EPB41L3: variants seen among roughly 807,000 people sequenced by gnomAD.
The protein encoded by EPB41L3 is band 4.1-like protein 3.
In EPB41L3, 57 loss-of-function variants were observed where a neutral mutation model predicts 127.1. The observed-to-expected ratio is 0.45, with a 90% CI of 0.36 to 0.56. The LOEUF (loss-of-function observed/expected upper bound fraction) is 0.56. Among genes scored for constraint, EPB41L3 ranks in the 20% least tolerant of loss-of-function variants. EPB41L3 has a pLI of 0.00. For synonymous variants in EPB41L3, 572 were observed against 549.5 expected, an observed-to-expected ratio of 1.04 and a Z score of -0.57; for missense variants, 1,273 against 1,372.2, an observed-to-expected ratio of 0.93 and a Z score of 1.14.
At chr18:5,553,717 G>A (rs1051101828) in intron 3 of EPB41L3, among the ~76,000 whole-genome samples, 3 of 152,216 alleles carry the variant, frequency 2.0e-5, no homozygotes, top group Non-Finnish European at 4.4e-5. Context: ...GCACCCTGGT[G>A]CAAACCATCA....
chr18:5,407,254 T>G, intron 15 of EPB41L3: 1 of 427,550 alleles, frequency 2.3e-6, no homozygotes, highest in Non-Finnish European at 4.2e-6. Context: ...AGAATTAAAA[T>G]AAATATACAC....
At chr18:5,427,808 C>T (rs549702291) in intron 9 of EPB41L3, among the ~76,000 whole-genome samples, 29 of 151,974 alleles carry the variant, frequency 1.9e-4, no homozygotes, top group African/African-American at 4.1e-4. Flanking sequence ...TGCAGTGGCA[C>T]GATCTCGGCT....
At chr18:5,612,167 A>C (rs1419681357) in intron 3 of EPB41L3, among the ~76,000 whole-genome samples, 1 of 152,050 alleles carries the variant, frequency 6.6e-6, no homozygotes, top group Admixed American at 6.6e-5. Flanking sequence ...TCTTGAAAGG[A>C]AAGCATGAAT....
At chr18:5,410,698 C>T (rs2076094662) in intron 13 of EPB41L3, 79 bp from the exon 14 acceptor site, 13 of 1,152,320 alleles carry the variant, frequency 1.1e-5, no homozygotes, top group Non-Finnish European at 1.7e-5. Context: ...CACGCTCTGG[C>T]ACAGGTCAGA....
intron 1 of EPB41L3, among the ~76,000 whole-genome samples, chr18:5,501,277 A>AAATG (rs77332925): frequency 0.58 from 86,733 of 150,726 alleles, 27,665 homozygotes; most frequent in Non-Finnish European, 0.71. Context: ...TTAAGTATTT[A>AAATG]AATGAATGAA....
At chr18:5,496,665 T>A (rs149765986) in intron 1 of EPB41L3, among the ~76,000 whole-genome samples, 1 of 152,216 alleles carries the variant, frequency 6.6e-6, no homozygotes, top group Non-Finnish European at 1.5e-5. Context: ...TATCTAAGAT[T>A]TCGTTTTGCT....
intron 13 of EPB41L3, among the ~76,000 whole-genome samples, chr18:5,412,173 C>G (rs1055386258): frequency 6.6e-6 from 1 of 152,094 alleles, no homozygotes; most frequent in Non-Finnish European, 1.5e-5. Context: ...CTTAGGCTTT[C>G]AAGAATAAAT....
chr18:5,562,527 T>C (rs2094147168), intron 3 of EPB41L3, among the ~76,000 whole-genome samples: 1 of 152,200 alleles, frequency 6.6e-6, no homozygotes, highest in Non-Finnish European at 1.5e-5. Context: ...TGTAAGTTTT[T>C]TGATATTTAT....
intron 3 of EPB41L3, among the ~76,000 whole-genome samples, chr18:5,601,624 A>C (rs2094592945): frequency 6.6e-6 from 1 of 152,150 alleles, no homozygotes; most frequent in Non-Finnish European, 1.5e-5. Flanking sequence ...CATTGACCTC[A>C]CATAAATTTC....
intron 3 of EPB41L3, among the ~76,000 whole-genome samples, chr18:5,580,689 T>C (rs1239888138): frequency 6.6e-6 from 1 of 152,226 alleles, no homozygotes; most frequent in Non-Finnish European, 1.5e-5. Flanking sequence ...CCCACACTTA[T>C]GCATATGTAT....
At chr18:5,522,081 A>G (rs2093013625) in intron 1 of EPB41L3, among the ~76,000 whole-genome samples, 1 of 152,032 alleles carries the variant, frequency 6.6e-6, no homozygotes, top group African/African-American at 2.4e-5. Context: ...TTTTCTTCCA[A>G]TGCCAAATCG....
At chr18:5,441,814 C>T (rs910130286) in intron 5 of EPB41L3, among the ~76,000 whole-genome samples, 62 of 152,186 alleles carry the variant, frequency 4.1e-4, no homozygotes, top group Admixed American at 3.3e-4. Context: ...CCTTTATCTG[C>T]AAGACTGTCA....
chr18:5,560,036 T>A (rs992961982), intron 3 of EPB41L3, among the ~76,000 whole-genome samples: 1 of 152,226 alleles, frequency 6.6e-6, no homozygotes, highest in Non-Finnish European at 1.5e-5. Flanking sequence ...ACCATCCAGA[T>A]GTGAAAATAT....
At chr18:5,606,038 A>G (rs1229695707) in intron 3 of EPB41L3, among the ~76,000 whole-genome samples, 1 of 152,188 alleles carries the variant, frequency 6.6e-6, no homozygotes, top group African/African-American at 2.4e-5. Context: ...GATGAAAGTG[A>G]CAGCAAAAGT....
At chr18:5,540,430 T>G (rs2149038464) in intron 1 of EPB41L3, 1 of 985,466 alleles carries the variant, frequency 1.0e-6, no homozygotes, top group East Asian at 1.1e-4. Context: ...GGTCTGGTTT[T>G]GCCTGCCCCA....
At chr18:5,441,642 T>C (rs543789088) in intron 5 of EPB41L3, among the ~76,000 whole-genome samples, 1 of 152,220 alleles carries the variant, frequency 6.6e-6, no homozygotes, top group South Asian at 2.1e-4. Context: ...ATTTTTGTAT[T>C]TTTAGTAGAG....
At chr18:5,509,528 G>A (rs1483377764) in intron 1 of EPB41L3, among the ~76,000 whole-genome samples, 2 of 152,184 alleles carry the variant, frequency 1.3e-5, no homozygotes, top group Non-Finnish European at 2.9e-5. Context: ...AAAAGGAATC[G>A]AAGGAGATCA....
chr18:5,627,080 C>A (rs1015121061), intron 1 of EPB41L3, among the ~76,000 whole-genome samples: 1 of 152,126 alleles, frequency 6.6e-6, no homozygotes, highest in Non-Finnish European at 1.5e-5. Context: ...TCTCATTAGT[C>A]TGTTTACGCA....
intron 1 of EPB41L3, among the ~76,000 whole-genome samples, chr18:5,626,012 C>A (rs1468897726): frequency 6.6e-6 from 1 of 151,348 alleles, no homozygotes; most frequent in Non-Finnish European, 1.5e-5. Flanking sequence ...TGACTGAAAT[C>A]GCACCCAATC....
Sources: gnomAD v4.1 joint callset for allele counts (sites outside exome capture counted in the v4.1 genomes callset) on GRCh38, gnomAD v4.1.1 for gene constraint, MANE v1.5 for transcripts, NCBI Gene and HGNC (gene_info 2026-07-23, HGNC 2026-07-21) for gene names.